CNTFR: variants seen among roughly 807,000 people sequenced by gnomAD.
The protein encoded by CNTFR is ciliary neurotrophic factor receptor subunit alpha.
CNTFR carries 12 observed loss-of-function variants against 40.4 expected under a neutral mutation model. The observed-to-expected ratio is 0.30, with a 90% CI of 0.19 to 0.48. CNTFR has a LOEUF of 0.48. Ranked by LOEUF, CNTFR falls within the 20% of genes least tolerant of loss-of-function variation. CNTFR has a pLI of 0.99. For missense variants in CNTFR, 414 were observed against 506.8 expected (o/e 0.82, Z 1.76); for synonymous variants, 202 against 209.6 (o/e 0.96, Z 0.31).
At chr9:34,564,462 C>CA in intron 4 of CNTFR, 137 bp downstream of exon 4, 1 of 851,058 alleles carries the variant, frequency 1.2e-6, no homozygotes, top group Non-Finnish European at 1.9e-6. Flanking sequence ...CGGGCCAGGA[C>CA]AAAATCAGAG....
In CNTFR at chr9:34,557,234, GC is replaced by G. The variant is rs1378324080; in HGVS notation, c.604+291del. Among the ~76,000 whole-genome samples the G allele has an allele frequency of 1.3e-5, 2 of 152,086 alleles. No individual in the cohort carries two copies. Among genetic ancestry groups the G allele is most frequent in the Non-Finnish European group, 2.9e-5 (2 of 67,992 alleles). ...GAGGCTGCAGCTGCACAAGGGTCTGGCCCAGCCTGCCCCCCCTTCCCCCTGC... is the reference window on the plus strand; with the variant it reads ...GAGGCTGCAGCTGCACAAGGGTCTGGCCAGCCTGCCCCCCCTTCCCCCTGC... On this transcript the variant is annotated intron_variant, in intron 6 of 9. Transcript: ENST00000378980. The surrounding 1 kb of genome is among the most constrained non-coding windows in gnomAD (Gnocchi z 4.2).
chr9:34,560,488 T>C (rs1032813866), intron 4 of CNTFR, among the ~76,000 whole-genome samples: 2 of 152,216 alleles, frequency 1.3e-5, no homozygotes, highest in Non-Finnish European at 2.9e-5. Flanking sequence ...AAGTGTGCCA[T>C]TGTGTCTGAA....
At chr9:34,555,001 T>C (rs7044318) in intron 7 of CNTFR, among the ~76,000 whole-genome samples, 117,307 of 152,222 alleles carry the variant, frequency 0.77, 45,544 homozygotes, top group East Asian at 0.87. Flanking sequence ...GGCATGTTAG[T>C]TGCACACACG....
In CNTFR at chr9:34,552,243, G is replaced by T. The variant is rs1438755121; in HGVS notation, c.1036C>A (p.Pro346Thr). 2.6e-6 allele frequency: 4 copies of T among 1,552,398 alleles called. No homozygotes were observed. In the African/African-American group the frequency reaches 5.5e-5, roughly 21 times the overall value. Residue 346 changes from proline to threonine, a missense_variant, in exon 9 of 10, where the codon CCC becomes ACC. Transcript: ENST00000378980. The surrounding 1 kb of genome is among the most constrained non-coding windows in gnomAD (Gnocchi z 5.1). ...ACGCTGACCAAGAAGGGTGCCGAGGGTCCCCCGCCGCTGCCCAGCTCCCCA... is the reference window on the plus strand; with the variant it reads ...ACGCTGACCAAGAAGGGTGCCGAGGTTCCCCCGCCGCTGCCCAGCTCCCCA... The part of the protein sequence containing the change: ...DPGELGSGGG[P>T]SAPFLVSVPI...
rs891414731 is a variant in CNTFR, at chr9:34,586,131, T to C, written c.-112+3424A>G. Among the ~76,000 whole-genome samples, 6 of 152,292 alleles carry C rather than the reference T, an allele frequency of 3.9e-5. No homozygotes were observed. In the South Asian group the frequency reaches 1.2e-3, roughly 32 times the overall value. On this transcript the variant is annotated intron_variant, in intron 1 of 9. Transcript: ENST00000378980. ...AGGCAGCCCCACCCACTGATGTTCATAGCAGCAGAGCACGCAAAGTCCAGG... is the reference window on the plus strand; with the variant it reads ...AGGCAGCCCCACCCACTGATGTTCACAGCAGCAGAGCACGCAAAGTCCAGG...
In CNTFR at chr9:34,552,406, A is replaced by G. The variant is rs1281253814; in HGVS notation, c.950-77T>C. Reference sequence around the variant, plus strand: ...GATCTGGGGGCTCATGAGACATACCATTCTGCTTCCTGCATCAGACTGGTA... The same window carrying G: ...GATCTGGGGGCTCATGAGACATACCGTTCTGCTTCCTGCATCAGACTGGTA... On this transcript the variant is annotated intron_variant, in intron 8 of 9. Transcript: ENST00000378980. This position sits in a 1 kb window ranked among gnomAD's most constrained non-coding sequence, Gnocchi z 5.1. The G allele has an allele frequency of 4.3e-6, 6 of 1,410,044 alleles. No individual in the cohort carries two copies. Among genetic ancestry groups the G allele is most frequent in the East Asian group, 2.5e-5 (1 of 40,064 alleles). The allele number at this position is 1,410,044 out of a possible 1,614,324, so 87.3% of individuals were successfully genotyped here.
At chr9:34,586,851 G>A (rs1486620753) in intron 1 of CNTFR, among the ~76,000 whole-genome samples, 1 of 152,164 alleles carries the variant, frequency 6.6e-6, no homozygotes, top group African/African-American at 2.4e-5. Flanking sequence ...CCTCACCTTT[G>A]GAGGGGACAG....
chr9:34,568,970 A>G lies in CNTFR; in HGVS notation c.12T>C (p.Pro4=), dbSNP rs982531227. MAA[P]VPWACCAVLA... ...GCACAGCACAGCAGGCCCACGGGACAGGAGCAGCCATCTGTTGGGAGAAAC... is the reference window on the plus strand; with the variant it reads ...GCACAGCACAGCAGGCCCACGGGACGGGAGCAGCCATCTGTTGGGAGAAAC... The change falls in exon 3 of 10, where the codon CCT becomes CCC. Residue 4 remains proline (P), a synonymous_variant. Coordinates refer to ENST00000378980, the MANE Select transcript of CNTFR (RefSeq NM_147164.3). 8.2e-6 allele frequency: 13 copies of G among 1,594,948 alleles called. No homozygotes were observed. The highest frequency in any genetic ancestry group is 1.1e-5 in the Non-Finnish European group (13 of 1,171,124).
chr9:34,580,165 GCA>G (rs1827214268), intron 2 of CNTFR: 1 of 152,244 alleles, frequency 6.6e-6, no homozygotes, highest in Non-Finnish European at 1.5e-5. Context: ...CAGCCCAGTA[GCA>G]CACTTTCCAA....
intron 2 of CNTFR, among the ~76,000 whole-genome samples, chr9:34,573,385 G>A (rs542383020): frequency 2.6e-5 from 4 of 152,304 alleles, no homozygotes; most frequent in South Asian, 2.1e-4. Flanking sequence ...AGTGTGTTGC[G>A]CACTTCAGGG....
At chr9:34,560,413 T>C (rs1335717384) in intron 4 of CNTFR, among the ~76,000 whole-genome samples, 2 of 152,216 alleles carry the variant, frequency 1.3e-5, no homozygotes, top group East Asian at 3.8e-4. Flanking sequence ...GGTGAGGCTG[T>C]TCAATCTCGA....
At chr9:34,566,324 G>A (rs1238668393) in intron 3 of CNTFR, among the ~76,000 whole-genome samples, 4 of 152,158 alleles carry the variant, frequency 2.6e-5, no homozygotes, top group Non-Finnish European at 5.9e-5. Flanking sequence ...GAAGAAGGAA[G>A]CAGGAAACCC....
At chr9:34,571,772 A>G (rs1826671041) in intron 2 of CNTFR, among the ~76,000 whole-genome samples, 1 of 151,956 alleles carries the variant, frequency 6.6e-6, no homozygotes, top group African/African-American at 2.4e-5. Flanking sequence ...GGTTGGGGGC[A>G]CCCAGAAAAG....
intron 3 of CNTFR, among the ~76,000 whole-genome samples, chr9:34,567,378 C>CG (rs906731349): frequency 1.3e-5 from 2 of 152,136 alleles, no homozygotes; most frequent in African/African-American, 4.8e-5. Context: ...ACAGTCCCCC[C>CG]GGGCATCCCA....
chr9:34,557,298 T>A lies in CNTFR; in HGVS notation c.604+228A>T, dbSNP rs960850403. Among the ~76,000 whole-genome samples the A allele has an allele frequency of 2.0e-5, 3 of 152,134 alleles. No individual in the cohort carries two copies. The highest frequency in any genetic ancestry group is 2.9e-5 in the Non-Finnish European group (2 of 68,018). On this transcript the variant is annotated intron_variant, in intron 6 of 9. Coordinates refer to ENST00000378980, the MANE Select transcript of CNTFR (RefSeq NM_147164.3). This position sits in a 1 kb window ranked among gnomAD's most constrained non-coding sequence, Gnocchi z 4.2. ...GAGCCAGAAAAATGATCGAAAGAGC[T>A]GCTGGACAGGTCTCTCGGCCCTTCA...
At chr9:34,555,098 G>A (rs999503094) in intron 7 of CNTFR, among the ~76,000 whole-genome samples, 5 of 152,264 alleles carry the variant, frequency 3.3e-5, no homozygotes, top group African/African-American at 1.2e-4. Flanking sequence ...ACTGCAAGGC[G>A]TGTGCGCCGC....
rs778671795 is a variant in CNTFR, at chr9:34,568,919, G to A, written c.63C>T (p.Tyr21=). Residue 21 remains tyrosine, a synonymous_variant, in exon 3 of 10, where the codon TAC becomes TAT. Transcript: ENST00000378980. ...AVLAAAAAVV[Y]AQRHSPQEAP... ...CACCCTGTGGACTGTGTCTCTGGGC[G>A]TAGACAACTGCGGCGGCGGCGGCAA... The A allele has an allele frequency of 1.0e-5, 16 of 1,597,814 alleles. No homozygotes were observed. Among genetic ancestry groups the A allele is most frequent in the South Asian group, 2.3e-5 (2 of 88,070 alleles).
chr9:34,561,058 A>G (rs971324111), intron 4 of CNTFR, among the ~76,000 whole-genome samples: 7 of 152,094 alleles, frequency 4.6e-5, no homozygotes, highest in African/African-American at 1.7e-4. Context: ...CTTCCACTCC[A>G]GCCCTACCCA....
rs1201186481 is a variant in CNTFR at position 34,552,956 on chromosome 9, A to T, written c.769-102T>A. 8.5e-7 allele frequency: 1 copy of T among 1,172,922 alleles called. No homozygotes were observed. The highest frequency in any genetic ancestry group is 1.6e-5 in the African/African-American group (1 of 64,460). The allele number at this position is 1,172,922 out of a possible 1,614,324, so 72.7% of individuals were successfully genotyped here. Reference sequence around the variant, plus strand: ...CATGCCTCTGAGGAGAGGAGAGTAAAGGGCTCTGGGGGCAGTGAGGACTTC... The same window carrying T: ...CATGCCTCTGAGGAGAGGAGAGTAATGGGCTCTGGGGGCAGTGAGGACTTC... On this transcript the variant is annotated intron_variant, in intron 7 of 9. Coordinates refer to ENST00000378980, the MANE Select transcript of CNTFR (RefSeq NM_147164.3). This position sits in a 1 kb window ranked among gnomAD's most constrained non-coding sequence, Gnocchi z 5.1.
Sources: gnomAD v4.1 joint callset for allele counts (sites outside exome capture counted in the v4.1 genomes callset) on GRCh38, gnomAD v4.1.1 for gene constraint, Gnocchi (gnomAD v3.1) non-coding constraint, MANE v1.5 for transcripts, NCBI Gene and HGNC (gene_info 2026-07-23, HGNC 2026-07-21) for gene names.